Variants in ATE1 observed in about 807,000 individuals in gnomAD.
ATE1 encodes arginyltransferase 1.
ATE1 carries 36 observed loss-of-function variants against 70.5 expected under a neutral mutation model. That is an observed-to-expected ratio of 0.51 (90% CI 0.39 to 0.67). ATE1 has a LOEUF of 0.67. Among genes scored for constraint, ATE1 ranks in the 30% least tolerant of loss-of-function variants. The probability of loss-of-function intolerance (pLI) is 0.00; values close to 1 mark genes in which losing one functional copy is unlikely to be tolerated. For synonymous variants in ATE1, 232 were observed against 219.3 expected (o/e 1.06, Z -0.51); for missense variants, 593 against 629.5 (o/e 0.94, Z 0.62).
chr10:121,788,892 C>A (rs1418223159), intron 11 of ATE1, among the ~76,000 whole-genome samples: 1 of 152,184 alleles, frequency 6.6e-6, no homozygotes, highest in Non-Finnish European at 1.5e-5. Flanking sequence ...GCCTGTCTTA[C>A]AAAGCCACGG....
At chr10:121,750,889 C>T (rs1029303770) in intron 11 of ATE1, among the ~76,000 whole-genome samples, 4 of 152,106 alleles carry the variant, frequency 2.6e-5, no homozygotes, top group South Asian at 2.1e-4. Flanking sequence ...TCTACAAAAA[C>T]GCAACTCTGG....
At chr10:121,888,595 C>A (rs1472249743) in intron 7 of ATE1, among the ~76,000 whole-genome samples, 1 of 152,102 alleles carries the variant, frequency 6.6e-6, no homozygotes, top group African/African-American at 2.4e-5. Context: ...AAAAGCTGAA[C>A]ACCTGCACAC....
chr10:121,871,816 A>G (rs775228742), intron 7 of ATE1, among the ~76,000 whole-genome samples: 31 of 152,242 alleles, frequency 2.0e-4, no homozygotes, highest in Non-Finnish European at 2.2e-4. Flanking sequence ...GTTCCATTAC[A>G]TTAACTCTTA....
At chr10:121,784,848 G>T (rs1404302118) in intron 11 of ATE1, among the ~76,000 whole-genome samples, 1 of 152,026 alleles carries the variant, frequency 6.6e-6, no homozygotes, top group Non-Finnish European at 1.5e-5. Context: ...GACAGAGCAA[G>T]ACTCCATCAC....
At chr10:121,926,991 T>TA in intron 1 of ATE1, 2 of 985,462 alleles carry the variant, frequency 2.0e-6, no homozygotes, top group Middle Eastern at 5.2e-4. Context: ...ATTCCCCACT[T>TA]ACACCTTTTT....
chr10:121,805,565 T>C (rs1947063146), intron 10 of ATE1, among the ~76,000 whole-genome samples: 1 of 152,210 alleles, frequency 6.6e-6, no homozygotes, highest in Admixed American at 6.5e-5. Flanking sequence ...CTCTCGTGTC[T>C]GAGAACGAGA....
At chr10:121,767,016 G>A (rs1232127946) in intron 11 of ATE1, among the ~76,000 whole-genome samples, 3 of 152,180 alleles carry the variant, frequency 2.0e-5, no homozygotes, top group Non-Finnish European at 1.5e-5. Flanking sequence ...GAACACAGAT[G>A]TAGAAGTCCT....
chr10:121,878,936 C>G (rs1163216168), intron 7 of ATE1, among the ~76,000 whole-genome samples: 1 of 152,102 alleles, frequency 6.6e-6, no homozygotes, highest in Non-Finnish European at 1.5e-5. Flanking sequence ...TTAACCAGAA[C>G]TCAACAAGAA....
chr10:121,862,978 C>T (rs1949529416), intron 8 of ATE1, among the ~76,000 whole-genome samples: 1 of 152,170 alleles, frequency 6.6e-6, no homozygotes, highest in Admixed American at 6.5e-5. Flanking sequence ...ACCCCATGCA[C>T]TGCTACTCTT....
At chr10:121,780,967 G>A (rs535627506) in intron 11 of ATE1, among the ~76,000 whole-genome samples, 140 of 152,170 alleles carry the variant, frequency 9.2e-4, no homozygotes, top group Non-Finnish European at 1.7e-3. Flanking sequence ...ACCTGGCTCA[G>A]TAAATACATG....
intron 10 of ATE1, among the ~76,000 whole-genome samples, chr10:121,794,743 C>G (rs997855986): frequency 2.7e-5 from 4 of 148,220 alleles, no homozygotes; most frequent in Admixed American, 2.0e-4. Flanking sequence ...GCCCCATTTT[C>G]TAATATAAGG....
chr10:121,843,398 A>G (rs2133807200), intron 8 of ATE1, among the ~76,000 whole-genome samples: 1 of 152,346 alleles, frequency 6.6e-6, no homozygotes, highest in East Asian at 1.9e-4. Context: ...AATCACAATC[A>G]AAATCTCAGC....
At chr10:121,848,236 T>C (rs955688871) in intron 8 of ATE1, among the ~76,000 whole-genome samples, 3 of 152,176 alleles carry the variant, frequency 2.0e-5, no homozygotes, top group East Asian at 3.8e-4. Context: ...AATTCTTCCA[T>C]AACTTCAATG....
chr10:121,773,038 G>A (rs1945586370), intron 11 of ATE1, among the ~76,000 whole-genome samples: 1 of 152,114 alleles, frequency 6.6e-6, no homozygotes, highest in Non-Finnish European at 1.5e-5. Context: ...CTCAGGTTTT[G>A]GTGTTTTGCT....
chr10:121,782,677 T>G (rs1047776777), intron 11 of ATE1: 2 of 152,192 alleles, frequency 1.3e-5, no homozygotes, highest in Non-Finnish European at 2.9e-5. Flanking sequence ...AAAGTACCGA[T>G]CCTCGGTGTG....
intron 10 of ATE1, among the ~76,000 whole-genome samples, chr10:121,811,460 G>C (rs1947315843): frequency 1.3e-5 from 2 of 152,222 alleles, no homozygotes; most frequent in Admixed American, 6.5e-5. Flanking sequence ...CAACAAAAAG[G>C]AAGGCTTTTT....
intron 5 of ATE1, among the ~76,000 whole-genome samples, chr10:121,905,907 T>C (rs1951172223): frequency 6.6e-6 from 1 of 152,038 alleles, no homozygotes. Flanking sequence ...CCCAGGTCAA[T>C]AAATTGCTTC....
At chr10:121,797,645 C>G (rs527614706) in intron 10 of ATE1, among the ~76,000 whole-genome samples, 1 of 151,976 alleles carries the variant, frequency 6.6e-6, no homozygotes, top group East Asian at 1.9e-4. Flanking sequence ...CTGAGTGGCA[C>G]GGCCCATGTT....
intron 11 of ATE1, among the ~76,000 whole-genome samples, chr10:121,782,935 G>T (rs192212336): frequency 2.7e-4 from 41 of 152,262 alleles, no homozygotes; most frequent in African/African-American, 7.0e-4. Flanking sequence ...GGCTCTCCTT[G>T]CTCCTCAGCC....
Sources: gnomAD v4.1 joint callset for allele counts (sites outside exome capture counted in the v4.1 genomes callset) on GRCh38, gnomAD v4.1.1 for gene constraint, MANE v1.5 for transcripts, NCBI Gene and HGNC (gene_info 2026-07-23, HGNC 2026-07-21) for gene names.